Variants in STXBP5L observed in about 807,000 individuals in gnomAD.
STXBP5L encodes the protein syntaxin-binding protein 5-like.
Under a neutral mutation model 144.5 loss-of-function variants are expected in STXBP5L, and 65 were observed. That is an observed-to-expected ratio of 0.45 (90% CI 0.37 to 0.55). The LOEUF is 0.55. STXBP5L is among the 20% of genes least tolerant of loss of function. The pLI, the probability that STXBP5L is intolerant of heterozygous loss-of-function variation, is 0.00. For missense variants in STXBP5L, 1,298 were observed against 1,405.5 expected (o/e 0.92, Z 1.22); for synonymous variants, 505 against 469.6 (o/e 1.08, Z -0.97).
chr3:120,913,578 A>G (rs113735580), intron 2 of STXBP5L, among the ~76,000 whole-genome samples: 2,511 of 152,174 alleles, frequency 0.017, 62 homozygotes, highest in African/African-American at 0.057. Context: ...CAATTTACAA[A>G]TCATTTGATA....
intron 5 of STXBP5L, among the ~76,000 whole-genome samples, chr3:121,067,692 T>C (rs2041611413): frequency 6.6e-6 from 1 of 152,198 alleles, no homozygotes; most frequent in African/African-American, 2.4e-5. Flanking sequence ...CTATCTGATA[T>C]TAAGAGAGGA....
chr3:121,319,671 T>C (rs2043904637), intron 20 of STXBP5L, among the ~76,000 whole-genome samples: 1 of 152,248 alleles, frequency 6.6e-6, no homozygotes, highest in South Asian at 2.1e-4. Flanking sequence ...CTGTATTTTC[T>C]CTCTTCACCT....
In STXBP5L at chr3:121,422,736, AG is replaced by A. The variant is rs1229657456; in HGVS notation, c.*3640del. 2 of 152,182 alleles carry A rather than the reference AG, an allele frequency of 1.3e-5. No individual in the cohort carries two copies. Among genetic ancestry groups the A allele is most frequent in the East Asian group, 3.9e-4 (2 of 5,194 alleles). The allele number at this position is 152,182 out of a possible 1,614,324, so 9.4% of individuals were successfully genotyped here. ...ATTCAGTCACAAAGACAATTTTCTC[AG>A]ATCTTTTGAAAGTGATTCTCAAATA... On this transcript the variant is annotated 3_prime_UTR_variant, in exon 27 of 27. Transcript: ENST00000471454.
chr3:121,312,444 A>AT (rs1263603298), intron 19 of STXBP5L, among the ~76,000 whole-genome samples: 2 of 31,924 alleles, frequency 6.3e-5, no homozygotes, highest in Non-Finnish European at 1.2e-4. Context: ...AGGTATGTCA[A>AT]TCTTTTTTTT....
At chr3:121,035,939 CT>C (rs936204219) in intron 3 of STXBP5L, among the ~76,000 whole-genome samples, 2 of 152,066 alleles carry the variant, frequency 1.3e-5, no homozygotes, top group Non-Finnish European at 2.9e-5. Flanking sequence ...CTTAAAACAT[CT>C]TTTGTTAAAC....
chr3:121,159,049 T>C (rs1474183529), intron 9 of STXBP5L: 2 of 152,066 alleles, frequency 1.3e-5, no homozygotes, highest in Non-Finnish European at 2.9e-5. Context: ...TAAGCACCAG[T>C]GATTTTGATA....
intron 20 of STXBP5L, among the ~76,000 whole-genome samples, chr3:121,326,310 T>TTTATGGC (rs2044146467): frequency 6.6e-6 from 1 of 151,964 alleles, no homozygotes; most frequent in Non-Finnish European, 1.5e-5. Context: ...ATGTAGGCTT[T>TTTATGGC]TTATGGCTTT....
intron 18 of STXBP5L, among the ~76,000 whole-genome samples, chr3:121,262,554 C>G (rs2050418286): frequency 6.6e-6 from 1 of 152,028 alleles, no homozygotes; most frequent in Non-Finnish European, 1.5e-5. Context: ...ATCCAGGAGG[C>G]AGAGGTTGCA....
chr3:120,978,081 A>T (rs1265425567), intron 3 of STXBP5L, among the ~76,000 whole-genome samples: 1 of 152,068 alleles, frequency 6.6e-6, no homozygotes. Context: ...CCTGAATGTG[A>T]ATGTTGGCCT....
At chr3:121,190,657 G>T (rs2047612596) in intron 9 of STXBP5L, among the ~76,000 whole-genome samples, 1 of 151,890 alleles carries the variant, frequency 6.6e-6, no homozygotes, top group Non-Finnish European at 1.5e-5. Context: ...CCACCTCCCA[G>T]ATGGGGTGGC....
intron 19 of STXBP5L, among the ~76,000 whole-genome samples, chr3:121,313,645 C>A (rs1373736898): frequency 1.3e-5 from 1 of 79,634 alleles, no homozygotes; most frequent in Admixed American, 1.1e-4. Flanking sequence ...GGCGGCTGGC[C>A]GGGCAGAGGG....
At chr3:121,017,171 A>C (rs535911941) in intron 3 of STXBP5L, among the ~76,000 whole-genome samples, 14 of 152,312 alleles carry the variant, frequency 9.2e-5, no homozygotes, top group Non-Finnish European at 1.8e-4. Flanking sequence ...CCAACAGGCT[A>C]CAGAAAAAAC....
At chr3:121,125,238 G>T (rs946760396) in intron 7 of STXBP5L, among the ~76,000 whole-genome samples, 5 of 152,080 alleles carry the variant, frequency 3.3e-5, no homozygotes, top group Non-Finnish European at 5.9e-5. Context: ...GGAGGACGAG[G>T]TGGGTGGATC....
At chr3:120,971,799 CATAT>C (rs199519593) in intron 3 of STXBP5L, among the ~76,000 whole-genome samples, 1 of 149,522 alleles carries the variant, frequency 6.7e-6, no homozygotes, top group Non-Finnish European at 1.5e-5. Context: ...TATATACACA[CATAT>C]ATATATATGT....
chr3:121,314,349 C>T (rs1302870639), intron 19 of STXBP5L, among the ~76,000 whole-genome samples: 63 of 137,674 alleles, frequency 4.6e-4, no homozygotes, highest in African/African-American at 1.4e-3. Context: ...CCCGGCACCT[C>T]GGGAGGCCGA....
chr3:121,053,765 G>T (rs186179536), intron 5 of STXBP5L, among the ~76,000 whole-genome samples: 1 of 152,060 alleles, frequency 6.6e-6, no homozygotes, highest in African/African-American at 2.4e-5. Context: ...AAGAGCTTCT[G>T]CACAGCAAAA....
chr3:120,953,011 G>C (rs975445529), intron 2 of STXBP5L, among the ~76,000 whole-genome samples: 6 of 151,884 alleles, frequency 4.0e-5, no homozygotes, highest in Admixed American at 1.3e-4. Flanking sequence ...TCTTGCCCAG[G>C]GTGGTATCGA....
chr3:121,327,021 A>G (rs753917475), intron 20 of STXBP5L, among the ~76,000 whole-genome samples: 4 of 152,142 alleles, frequency 2.6e-5, no homozygotes, highest in Admixed American at 6.5e-5. Context: ...GCAGACTTTG[A>G]TTCAGGATTT....
intron 5 of STXBP5L, among the ~76,000 whole-genome samples, chr3:121,063,640 G>A (rs949810573): frequency 6.6e-6 from 1 of 152,172 alleles, no homozygotes; most frequent in African/African-American, 2.4e-5. Flanking sequence ...AGAGTTTTAT[G>A]TATAAGCCCC....
Sources: allele counts gnomAD v4.1 joint callset (sites outside exome capture counted in the v4.1 genomes callset), GRCh38; gene constraint gnomAD v4.1.1; transcripts MANE v1.5; gene names NCBI Gene and HGNC (gene_info 2026-07-23, HGNC 2026-07-21).